Variants in LYPLAL1 observed in about 807,000 individuals in gnomAD.
The protein encoded by LYPLAL1 is lysophospholipase like 1, also known as lysophospholipase-like protein 1.
LYPLAL1 carries 23 observed loss-of-function variants against 19.7 expected under a neutral mutation model. The observed-to-expected ratio is 1.17, with a 90% CI of 0.84 to 1.65. The LOEUF is 1.65. Ranked by LOEUF, LYPLAL1 falls within the 40% of genes most tolerant of loss-of-function variation. The probability of loss-of-function intolerance (pLI) is 0.00; values close to 1 mark genes in which losing one functional copy is unlikely to be tolerated. For synonymous variants in LYPLAL1, 119 were observed against 96.3 expected (o/e 1.24, Z -1.38); for missense variants, 355 against 279.4 (o/e 1.27, Z -1.93).
the LYPLAL1 span, among the ~76,000 whole-genome samples, chr1:219,395,959 C>T: frequency 9.9e-5 from 15 of 151,966 alleles, no homozygotes; most frequent in African/African-American, 2.7e-4. Context: ...AAAAATTAGC[C>T]GGGCATGGTG....
At chr1:219,404,903 C>T in the LYPLAL1 span, among the ~76,000 whole-genome samples, 3 of 152,172 alleles carry the variant, frequency 2.0e-5, no homozygotes, top group African/African-American at 7.2e-5. Context: ...GTCCTTTTTA[C>T]AATTTCATCC....
chr1:219,367,945 A>AT, the LYPLAL1 span, among the ~76,000 whole-genome samples: 120,569 of 144,416 alleles, frequency 0.83, 50,847 homozygotes, highest in East Asian at 0.98. Context: ...TGGCTTTACA[A>AT]TTTTTTTTTT....
At chr1:219,384,329 T>C in the LYPLAL1 span, among the ~76,000 whole-genome samples, 1 of 152,262 alleles carries the variant, frequency 6.6e-6, no homozygotes, top group African/African-American at 2.4e-5. Flanking sequence ...GTATTTGCAC[T>C]GTAATTAACA....
chr1:219,286,430 A>G, the LYPLAL1 span, among the ~76,000 whole-genome samples: 1 of 152,236 alleles, frequency 6.6e-6, no homozygotes, highest in Non-Finnish European at 1.5e-5. Context: ...ACAATTTCAT[A>G]GCAATAGCTA....
chr1:219,333,208 T>G, the LYPLAL1 span, among the ~76,000 whole-genome samples: 1 of 152,038 alleles, frequency 6.6e-6, no homozygotes, highest in Non-Finnish European at 1.5e-5. Context: ...CAATCTTTAT[T>G]CCATCTGAAA....
the LYPLAL1 span, among the ~76,000 whole-genome samples, chr1:219,245,960 A>G: frequency 6.6e-6 from 1 of 152,176 alleles, no homozygotes; most frequent in East Asian, 1.9e-4. Flanking sequence ...TCATGAAGGA[A>G]TATCCTCTGT....
intron 4 of LYPLAL1, among the ~76,000 whole-genome samples, chr1:219,210,964 G>T (rs1658987856): frequency 6.6e-6 from 1 of 152,018 alleles, no homozygotes; most frequent in Non-Finnish European, 1.5e-5. Flanking sequence ...GTTATAGCTG[G>T]GTTTGCTTAT....
the LYPLAL1 span, among the ~76,000 whole-genome samples, chr1:219,430,557 A>G: frequency 6.6e-6 from 1 of 152,220 alleles, no homozygotes; most frequent in African/African-American, 2.4e-5. Context: ...AAGTAAAGTA[A>G]TGAATGAATA....
chr1:219,367,440 A>T, the LYPLAL1 span, among the ~76,000 whole-genome samples: 1 of 152,002 alleles, frequency 6.6e-6, no homozygotes, highest in Non-Finnish European at 1.5e-5. Context: ...TTTATATTTT[A>T]TTTTCACATT....
the LYPLAL1 span, among the ~76,000 whole-genome samples, chr1:219,347,149 T>A: frequency 6.6e-6 from 1 of 152,230 alleles, no homozygotes; most frequent in Admixed American, 6.5e-5. Context: ...TTTTCAAAAA[T>A]GCTCCTTGAT....
At chr1:219,276,942 A>G in the LYPLAL1 span, among the ~76,000 whole-genome samples, 4 of 152,212 alleles carry the variant, frequency 2.6e-5, no homozygotes, top group Admixed American at 2.0e-4. Flanking sequence ...ATCAAGACTA[A>G]GTTGCACCAT....
Position 219,210,044 on chromosome 1 carries a change from AT to A in LYPLAL1, c.362-480del, listed in dbSNP as rs540732535. On this transcript the variant is annotated intron_variant, in intron 3 of 4. Coordinates refer to ENST00000366928, the MANE Select transcript of LYPLAL1 (RefSeq NM_138794.5). Reference sequence around the variant, plus strand: ...AAAAATGTGTTAACTAGCTCCTCAAATTTTTTTTATCATTCTTAATTCAGAA... The same window carrying A: ...AAAAATGTGTTAACTAGCTCCTCAAATTTTTTTATCATTCTTAATTCAGAA... Among the ~76,000 whole-genome samples, 251 of 152,094 alleles carry A rather than the reference AT, an allele frequency of 1.7e-3. 2 individuals are homozygous for A. The highest frequency in any genetic ancestry group is 5.8e-3 in the African/African-American group (239 of 41,510).
At chr1:219,282,054 C>T in the LYPLAL1 span, among the ~76,000 whole-genome samples, 1 of 152,094 alleles carries the variant, frequency 6.6e-6, no homozygotes, top group Non-Finnish European at 1.5e-5. Flanking sequence ...AACAAACAAA[C>T]AACTAGACAC....
At chr1:219,253,604 TC>T in the LYPLAL1 span, among the ~76,000 whole-genome samples, 1 of 151,712 alleles carries the variant, frequency 6.6e-6, no homozygotes, top group Non-Finnish European at 1.5e-5. Flanking sequence ...ATTTTCATAG[TC>T]TTTACTTCTA....
At chr1:219,177,592 C>T (rs1452429678) in intron 1 of LYPLAL1, among the ~76,000 whole-genome samples, 1 of 152,150 alleles carries the variant, frequency 6.6e-6, no homozygotes, top group Non-Finnish European at 1.5e-5. Flanking sequence ...GTTACTCCGG[C>T]CAAAAGCCTG....
At chr1:219,216,123 T>G (rs1659281670), downstream of LYPLAL1, among the ~76,000 whole-genome samples, 1 of 152,090 alleles carries the variant, frequency 6.6e-6, no homozygotes, top group South Asian at 2.1e-4. Context: ...CATCTCTAGT[T>G]TTTTTATTTC....
At chr1:219,415,672 G>T in the LYPLAL1 span, among the ~76,000 whole-genome samples, 2 of 152,196 alleles carry the variant, frequency 1.3e-5, no homozygotes, top group East Asian at 3.8e-4. Context: ...CCGGGTCATT[G>T]CCATGGCATA....
At chr1:219,218,766 C>T in the LYPLAL1 span, among the ~76,000 whole-genome samples, 2 of 152,086 alleles carry the variant, frequency 1.3e-5, no homozygotes, top group Non-Finnish European at 2.9e-5. Flanking sequence ...TCAATTCTGC[C>T]ATTTAGCTGC....
At chr1:219,202,887 A>G (rs571641039) in intron 3 of LYPLAL1, among the ~76,000 whole-genome samples, 13 of 151,258 alleles carry the variant, frequency 8.6e-5, no homozygotes, top group Admixed American at 1.3e-4. Flanking sequence ...GAGTCTCTCT[A>G]TGTTGCCCAG....
Sources: allele counts gnomAD v4.1 joint callset (sites outside exome capture counted in the v4.1 genomes callset), GRCh38; gene constraint gnomAD v4.1.1; transcripts MANE v1.5; gene names NCBI Gene and HGNC (gene_info 2026-07-23, HGNC 2026-07-21).